The following PRDX4 variants were observed in gnomAD, a reference collection of about 807,000 sequenced individuals.
The protein encoded by PRDX4 is peroxiredoxin 4.
PRDX4 carries 12 observed loss-of-function variants against 20.5 expected under a neutral mutation model. The ratio of observed to expected loss-of-function variants is 0.58; its 90% CI spans 0.37 to 0.95. The LOEUF (loss-of-function observed/expected upper bound fraction) is 0.95, where lower values mean the gene tolerates loss of function less well. Ranked by LOEUF, PRDX4 falls within the 40% of genes least tolerant of loss-of-function variation. The probability of loss-of-function intolerance (pLI) is 0.01; values close to 1 mark genes in which losing one functional copy is unlikely to be tolerated. For missense variants in PRDX4, 180 were observed against 207.3 expected (o/e 0.87, Z 0.81); for synonymous variants, 99 against 87.5 (o/e 1.13, Z -0.73).
chrX:23,678,191 T>C (rs140479123), intron 3 of PRDX4, among the ~76,000 whole-genome samples: 2,624 of 109,186 alleles, frequency 0.024, 36 homozygotes, highest in Non-Finnish European at 0.04. Flanking sequence ...CACTTGAACC[T>C]GGGAGGCAGA....
chrX:23,677,185 G>C (rs1258526763), intron 3 of PRDX4, among the ~76,000 whole-genome samples: 1 of 111,320 alleles, frequency 9.0e-6, no homozygotes, highest in Non-Finnish European at 1.9e-5. Flanking sequence ...AGCCTGATAG[G>C]GTTCACATCA....
chrX:23,679,385 C>A (rs1928015145), intron 4 of PRDX4, 98 bp downstream of exon 4: 2 of 984,464 alleles, frequency 2.0e-6, no homozygotes, highest in Non-Finnish European at 2.7e-6. Flanking sequence ...AAATTTTGAT[C>A]AAGAAATATA....
intron 2 of PRDX4, among the ~76,000 whole-genome samples, chrX:23,672,117 T>C (rs1363805616): frequency 9.0e-6 from 1 of 111,394 alleles, no homozygotes; most frequent in Admixed American, 9.5e-5. Context: ...AAAAATTAGC[T>C]GGGCGTGGTG....
At chrX:23,686,248 A>G (rs1425996675) in intron 6 of PRDX4, 37 bp from the exon 7 acceptor site, 1 of 1,124,544 alleles carries the variant, frequency 8.9e-7, no homozygotes, top group East Asian at 3.1e-5. Flanking sequence ...TTTGGCTTTA[A>G]AATGAATAAT....
intron 3 of PRDX4, among the ~76,000 whole-genome samples, chrX:23,675,958 G>A (rs903667828): frequency 1.6e-4 from 18 of 109,314 alleles, no homozygotes; most frequent in Non-Finnish European, 2.9e-4. Flanking sequence ...GAGAAACCCC[G>A]TCTCTACTAA....
In PRDX4 at chrX:23,667,536, C is replaced by A. The variant is rs760429953; in HGVS notation, c.-35C>A. On this transcript the variant is annotated 5_prime_UTR_variant, in exon 1 of 7. Coordinates refer to ENST00000379341, the MANE Select transcript of PRDX4 (RefSeq NM_006406.2). Reference sequence around the variant, plus strand: ...GCCCGGCGGCGGCAGAAGCGGCGCTCGCGCCAAGGGACGTGTTTCTGCGCT... The same window carrying A: ...GCCCGGCGGCGGCAGAAGCGGCGCTAGCGCCAAGGGACGTGTTTCTGCGCT... 8.7e-7 allele frequency: 1 copy of A among 1,143,383 alleles called. No individual in the cohort carries two copies. The highest frequency in any genetic ancestry group is 1.2e-6 in the Non-Finnish European group (1 of 863,050). 94.2% of individuals were successfully genotyped at this position (1,143,383 alleles called of 1,213,427 possible).
At chrX:23,679,397 T>C (rs1331690905) in intron 4 of PRDX4, 110 bp downstream of exon 4, 2 of 922,661 alleles carry the variant, frequency 2.2e-6, no homozygotes, top group Admixed American at 3.2e-5. Context: ...AGAAATATAA[T>C]TTTGAGGCCA....
intron 6 of PRDX4, among the ~76,000 whole-genome samples, chrX:23,685,674 A>G (rs1219230220): frequency 1.9e-5 from 2 of 106,974 alleles, no homozygotes; most frequent in African/African-American, 6.8e-5. Context: ...TAACTAGCAA[A>G]TAACATAATG....
intron 4 of PRDX4, among the ~76,000 whole-genome samples, chrX:23,680,755 G>T (rs1431773435): frequency 9.3e-6 from 1 of 108,095 alleles, no homozygotes; most frequent in African/African-American, 3.4e-5. Context: ...ATTTTTTTTT[G>T]TTAAATTAGG....
In PRDX4 at chrX:23,667,507, AGC is replaced by A. The variant is rs1295509794; in HGVS notation, c.-63_-62del. ...GCGCGGGCGTCGTGCACGCGGTTGT[AGC>A]TGCCCGGCGGCGGCAGAAGCGGCGC... On this transcript the variant is annotated 5_prime_UTR_variant, in exon 1 of 7. The change creates a new upstream start codon in the 5' untranslated region. Coordinates refer to ENST00000379341, the MANE Select transcript of PRDX4 (RefSeq NM_006406.2). The A allele has an allele frequency of 8.9e-7, 1 of 1,120,392 alleles. No homozygotes were observed. The highest frequency in any genetic ancestry group is 1.2e-6 in the Non-Finnish European group (1 of 854,002). 92.3% of individuals were successfully genotyped at this position (1,120,392 alleles called of 1,213,427 possible). A position where few individuals can be genotyped will look rare whatever the true frequency, so the allele number is the denominator to read the frequency against.
intron 3 of PRDX4, among the ~76,000 whole-genome samples, chrX:23,676,791 CA>C (rs10585666): frequency 0.12 from 10,288 of 87,661 alleles, 549 homozygotes; most frequent in East Asian, 0.35. Flanking sequence ...GATCCTGTCT[CA>C]AAAAAAAAAA....
chrX:23,669,203 C>T (rs1370885200), intron 1 of PRDX4, among the ~76,000 whole-genome samples: 2 of 111,990 alleles, frequency 1.8e-5, no homozygotes, highest in Non-Finnish European at 3.8e-5. Flanking sequence ...AGATTACAGG[C>T]GTGAGCCACG....
At chrX:23,673,090 C>T (rs1927877318) in intron 2 of PRDX4, among the ~76,000 whole-genome samples, 2 of 111,792 alleles carry the variant, frequency 1.8e-5, no homozygotes, top group African/African-American at 6.5e-5. Context: ...TGTTATAAAA[C>T]CAGAAGGTTA....
chrX:23,676,965 G>A (rs1372253810), intron 3 of PRDX4, among the ~76,000 whole-genome samples: 1 of 110,816 alleles, frequency 9.0e-6, no homozygotes, highest in African/African-American at 3.3e-5. Context: ...TCCCCAAATA[G>A]TTGGGACTGC....
At chrX:23,683,758 A>T (rs1465259367) in intron 6 of PRDX4, 53 bp downstream of exon 6, 1 of 1,103,005 alleles carries the variant, frequency 9.1e-7, no homozygotes, top group South Asian at 2.0e-5. Flanking sequence ...GTTGAAAAAA[A>T]TGCTGGCCGG....
intron 6 of PRDX4, chrX:23,685,986 T>C (rs192832768): frequency 2.6e-6 from 1 of 381,366 alleles, no homozygotes; most frequent in African/African-American, 2.5e-5. Context: ...TCTCTAAATG[T>C]GTTTGACTTA....
intron 2 of PRDX4, among the ~76,000 whole-genome samples, chrX:23,673,742 T>C (rs1447914767): frequency 2.3e-5 from 2 of 86,335 alleles, no homozygotes; most frequent in South Asian, 6.4e-4. Context: ...GGTGACAGAG[T>C]GAGACCCTGC....
chrX:23,686,374 A>G lies in PRDX4; in HGVS notation c.*39A>G, dbSNP rs370406764. ...AAGTTATGATGCTTGAAAGTTCTCAATAAAGTTCACGGTTTCATTACCACA... is the reference window on the plus strand; with the variant it reads ...AAGTTATGATGCTTGAAAGTTCTCAGTAAAGTTCACGGTTTCATTACCACA... On this transcript the variant is annotated 3_prime_UTR_variant, in exon 7 of 7. Transcript: ENST00000379341. 47 of 1,058,588 alleles carry G rather than the reference A, an allele frequency of 4.4e-5. No homozygotes were observed. The highest frequency in any genetic ancestry group is 5.8e-5 in the Non-Finnish European group (45 of 778,386). 87.2% of individuals were successfully genotyped at this position (1,058,588 alleles called of 1,213,427 possible).
intron 2 of PRDX4, among the ~76,000 whole-genome samples, chrX:23,672,427 A>G (rs1040902129): frequency 5.4e-5 from 6 of 111,978 alleles, no homozygotes; most frequent in Middle Eastern, 4.6e-3. Context: ...TGTATATGTT[A>G]TGGTTATTGT....
Sources: gnomAD v4.1 joint callset for allele counts (sites outside exome capture counted in the v4.1 genomes callset) on GRCh38, gnomAD v4.1.1 for gene constraint, MANE v1.5 for transcripts, NCBI Gene and HGNC (gene_info 2026-07-23, HGNC 2026-07-21) for gene names.